Variants in LATS2 observed in about 807,000 individuals in gnomAD.
LATS2 encodes the protein large tumor suppressor kinase 2.
A neutral mutation model predicts 76.0 loss-of-function variants in LATS2; 24 were observed. The ratio of observed to expected loss-of-function variants is 0.32; its 90% CI spans 0.23 to 0.44. The LOEUF (loss-of-function observed/expected upper bound fraction) is 0.44. Among genes scored for constraint, LATS2 ranks in the 20% least tolerant of loss-of-function variants. The pLI, the probability that LATS2 is intolerant of heterozygous loss-of-function variation, is 1.00. For synonymous variants in LATS2, 692 were observed against 635.4 expected, an observed-to-expected ratio of 1.09 and a Z score of -1.34; for missense variants, 1,286 against 1,481.2, an observed-to-expected ratio of 0.87 and a Z score of 2.16.
chr13:20,989,429 C>G (rs1337815053), intron 3 of LATS2, 125 bp from the exon 4 acceptor site: 3 of 967,162 alleles, frequency 3.1e-6, no homozygotes, highest in East Asian at 2.6e-5. Flanking sequence ...TGGGCCCTGA[C>G]GTGCTGCATT....
chr13:20,988,020 T>A lies in LATS2; in HGVS notation c.1760A>T (p.Glu587Val), dbSNP rs1470145468. 1.9e-6 allele frequency: 3 copies of A among 1,614,232 alleles called. No individual in the cohort carries two copies. Among genetic ancestry groups the A allele is most frequent in the Non-Finnish European group, 2.5e-6 (3 of 1,180,040 alleles). Residue 587 changes from glutamate to valine, a missense_variant, in exon 4 of 8, where the codon GAA becomes GTA. Coordinates refer to ENST00000382592, the MANE Select transcript of LATS2 (RefSeq NM_014572.3). ...CTTGATGCGTGACTCTCTCTTCTCT[T>A]CGTCTCTGCTGTTTTTGCGGACGGG... Reference protein sequence around the residue: ...PVPVRKNSRDEEKRESRIKSY... With the variant: ...PVPVRKNSRDVEKRESRIKSY...
At position 20,996,497 on chromosome 13, in the gene LATS2, C is replaced by G. The variant is rs567071902; in HGVS notation, c.343-5093G>C. Among the ~76,000 whole-genome samples, 48 of 152,028 alleles carry G rather than the reference C, an allele frequency of 3.2e-4. No homozygotes were observed. In the South Asian group the frequency reaches 8.3e-3, roughly 26 times the overall value. ...GATTCAAACAATTCTCCTGCCTCAG[C>G]TTCCCGAATAGCTGGGATTACATGC... On this transcript the variant is annotated intron_variant, in intron 2 of 7. Coordinates refer to ENST00000382592, the MANE Select transcript of LATS2 (RefSeq NM_014572.3).
intron 3 of LATS2, among the ~76,000 whole-genome samples, chr13:20,990,840 C>T (rs991803254): frequency 2.6e-5 from 4 of 152,196 alleles, no homozygotes; most frequent in African/African-American, 7.2e-5. Context: ...ATTGAACCCC[C>T]ACTCTCAGAA....
chr13:21,046,237 A>C lies in LATS2; in HGVS notation c.-204-7T>G, dbSNP rs997980112. ...TTTTGAAGATTATCACTCTCTGAAA[A>C]AGAAAATAAATGGGAGAGAAATGTT... On this transcript the variant is annotated splice_polypyrimidine_tract_variant and splice_region_variant and intron_variant, in intron 1 of 7. Transcript: ENST00000382592. 6.6e-6 allele frequency: 3 copies of C among 451,692 alleles called. No homozygotes were observed. Among genetic ancestry groups the C allele is most frequent in the Non-Finnish European group, 1.2e-5 (3 of 255,602 alleles). The allele number at this position is 451,692 out of a possible 1,614,324, so 28.0% of individuals were successfully genotyped here. A position where few individuals can be genotyped will look rare whatever the true frequency, so the allele number is the denominator to read the frequency against.
Position 20,991,260 on chromosome 13 carries a change from G to A in LATS2, c.475+12C>T, listed in dbSNP as rs759624422. On this transcript the variant is annotated intron_variant, in intron 3 of 7. Transcript: ENST00000382592. The surrounding 1 kb of genome is among the most constrained non-coding windows in gnomAD (Gnocchi z 4.9). ...ACCATCTTTGCCCACTATGCTGCAG[G>A]CCTGGGCTCACCTGGGGAGGTCTGC... 7 of 1,613,992 alleles carry A rather than the reference G, an allele frequency of 4.3e-6. No individual in the cohort carries two copies. The highest frequency in any genetic ancestry group is 5.1e-6 in the Non-Finnish European group (6 of 1,179,998).
intron 2 of LATS2, among the ~76,000 whole-genome samples, chr13:21,042,738 C>T: frequency 6.6e-6 from 1 of 152,062 alleles, no homozygotes; most frequent in African/African-American, 2.4e-5. Context: ...CCTGTAATCC[C>T]AGCACTTTGG....
chr13:20,977,299 G>A (rs1047066507), intron 7 of LATS2, among the ~76,000 whole-genome samples: 1 of 151,516 alleles, frequency 6.6e-6, no homozygotes, highest in African/African-American at 2.4e-5. Flanking sequence ...GGAGGCTGAG[G>A]CATGAGAACC....
At chr13:21,020,715 A>C (rs1298683049) in intron 2 of LATS2, among the ~76,000 whole-genome samples, 1 of 152,172 alleles carries the variant, frequency 6.6e-6, no homozygotes, top group Non-Finnish European at 1.5e-5. Flanking sequence ...AAGGTTGAAA[A>C]TGGCTTTTTT....
intron 2 of LATS2, among the ~76,000 whole-genome samples, chr13:21,032,565 C>T (rs1872567338): frequency 6.6e-6 from 1 of 151,432 alleles, no homozygotes; most frequent in South Asian, 2.1e-4. Context: ...TGCACCCAGC[C>T]TTTTTTTTTC....
At chr13:21,014,208 G>A (rs1035078676) in intron 2 of LATS2, among the ~76,000 whole-genome samples, 2 of 152,132 alleles carry the variant, frequency 1.3e-5, no homozygotes, top group South Asian at 4.1e-4. Context: ...TCACTCCCAG[G>A]TCACTCCAGA....
intron 1 of LATS2, among the ~76,000 whole-genome samples, chr13:21,059,998 A>T (rs1173148985): frequency 5.3e-5 from 8 of 152,200 alleles, no homozygotes; most frequent in Admixed American, 5.2e-4. Context: ...AAAATCTGCA[A>T]GTTAAGTTCT....
At position 20,988,510 on chromosome 13, in the gene LATS2, G is replaced by A; in HGVS notation, c.1270C>T (p.Pro424Ser). 6.6e-7 allele frequency: 1 copy of A among 1,512,036 alleles called. No homozygotes were observed. Among genetic ancestry groups the A allele is most frequent in the Non-Finnish European group, 8.9e-7 (1 of 1,118,814 alleles). The allele number at this position is 1,512,036 out of a possible 1,614,324, so 93.7% of individuals were successfully genotyped here. Reference sequence around the variant, plus strand: ...ACGGTGTTGGGGGCGGGCAGGGAGGGCTCGGCCTTGCCAGGCGGACCGGGC... The same window carrying A: ...ACGGTGTTGGGGGCGGGCAGGGAGGACTCGGCCTTGCCAGGCGGACCGGGC... ...PRPGPPGKAEPSLPAPNTVTA... is the reference protein window; with the variant it reads ...PRPGPPGKAESSLPAPNTVTA... The change falls in exon 4 of 8, where the codon CCC (proline) becomes TCC (serine). Residue 424 changes from proline to serine, a missense_variant. By Grantham distance (74) the Pro-to-Ser change is moderately conservative. Coordinates refer to ENST00000382592, the MANE Select transcript of LATS2 (RefSeq NM_014572.3).
Position 20,975,298 on chromosome 13 carries a change from G to A in LATS2, c.2839C>T (p.Leu947Phe), listed in dbSNP as rs778616143. Residue 947 changes from leucine (L) to phenylalanine (F), a missense_variant, in exon 8 of 8, where the codon CTC becomes TTC. Around this residue, in one of 5 missense-constraint regions of LATS2, gnomAD observed 210 missense variants for 234.9 expected, o/e 0.89. Coordinates refer to ENST00000382592, the MANE Select transcript of LATS2 (RefSeq NM_014572.3). ...GCGGAGCAGCACAGCTTGGTGATGA[G>A]GTCCCTGGCCTCAGGGCTCAGCTTC... The part of the protein sequence containing the change: ...QVKLSPEARD[L>F]ITKLCCSADH... 6.2e-7 allele frequency: 1 copy of A among 1,611,790 alleles called. No individual in the cohort carries two copies. The highest frequency in any genetic ancestry group is 8.5e-7 in the Non-Finnish European group (1 of 1,178,658).
At chr13:21,054,111 A>G (rs1873370873) in intron 1 of LATS2, among the ~76,000 whole-genome samples, 1 of 152,050 alleles carries the variant, frequency 6.6e-6, no homozygotes, top group Non-Finnish European at 1.5e-5. Context: ...TCTCCTAACT[A>G]CTCCTATTTA....
intron 2 of LATS2, among the ~76,000 whole-genome samples, chr13:21,002,817 T>C (rs1393785467): frequency 6.6e-6 from 1 of 152,138 alleles, no homozygotes; most frequent in African/African-American, 2.4e-5. Flanking sequence ...GCCTCCCAAG[T>C]AGCTAGGATT....
At chr13:21,046,562 G>C (rs1035956426) in intron 1 of LATS2, among the ~76,000 whole-genome samples, 3 of 152,156 alleles carry the variant, frequency 2.0e-5, no homozygotes, top group African/African-American at 7.2e-5. Context: ...GAAACCCACA[G>C]CTTGAGGAGT....
chr13:20,988,703 C>T lies in LATS2; in HGVS notation c.1077G>A (p.Leu359=). The T allele has an allele frequency of 6.4e-7, 1 of 1,567,664 alleles. No individual in the cohort carries two copies. The highest frequency in any genetic ancestry group is 8.6e-7 in the Non-Finnish European group (1 of 1,165,594). Residue 359 remains leucine, a synonymous_variant, in exon 4 of 8, where the codon CTG becomes CTA. Transcript: ENST00000382592. ...TPSRNSLNVD[L]YELGSTSVQQ... ...GGACGGAGGTGCTGCCCAATTCATA[C>T]AGGTCCACGTTGAGGCTGTTCCGCG...
At chr13:21,029,544 G>A (rs1872438677) in intron 2 of LATS2, among the ~76,000 whole-genome samples, 1 of 152,188 alleles carries the variant, frequency 6.6e-6, no homozygotes, top group African/African-American at 2.4e-5. Flanking sequence ...TGTAATCCCA[G>A]GACTTTGGGA....
Position 20,983,663 on chromosome 13 carries a change from TTC to T in LATS2, c.2041_2042del (p.Glu681SerfsTer6). ...IKTLGIGAFG[E>X]VCLACKVDTH... ...TGTCCACCTTACAAGCAAGGCACAC[TTC>T]TCCAAAGGCACCGATCCCCAGGGTT... On this transcript the variant is annotated frameshift_variant, in exon 5 of 8. Coordinates refer to ENST00000382592, the MANE Select transcript of LATS2 (RefSeq NM_014572.3). LOFTEE classifies it high-confidence loss of function. 6.2e-7 allele frequency: 1 copy of T among 1,614,178 alleles called. No individual in the cohort carries two copies. Among genetic ancestry groups the T allele is most frequent in the East Asian group, 2.2e-5 (1 of 44,876 alleles).
Sources: allele counts gnomAD v4.1 joint callset (sites outside exome capture counted in the v4.1 genomes callset), GRCh38; gene constraint gnomAD v4.1.1; regional missense constraint gnomAD v4.1.1; non-coding constraint Gnocchi (gnomAD v3.1); transcripts MANE v1.5; gene names NCBI Gene and HGNC (gene_info 2026-07-23, HGNC 2026-07-21).